The following SLC35E4 variants were observed in gnomAD, a reference collection of about 807,000 sequenced individuals.
SLC35E4 encodes the protein solute carrier family 35, member E4.
In SLC35E4, 15 loss-of-function variants were observed where a neutral mutation model predicts 19.3. The ratio of observed to expected loss-of-function variants is 0.78; its 90% CI spans 0.52 to 1.20. The LOEUF is 1.20. Among genes scored for constraint, SLC35E4 ranks in the 50% most tolerant of loss-of-function variants. The probability of loss-of-function intolerance (pLI) is 0.00; values close to 1 mark genes in which losing one functional copy is unlikely to be tolerated. For missense variants in SLC35E4, 406 were observed against 472.3 expected (o/e 0.86, Z 1.30); for synonymous variants, 219 against 219.9 (o/e 1.00, Z 0.04).
intron 1 of SLC35E4, among the ~76,000 whole-genome samples, chr22:30,645,362 A>G (rs1190460052): frequency 6.6e-6 from 1 of 152,140 alleles, no homozygotes; most frequent in Non-Finnish European, 1.5e-5. Flanking sequence ...TGGGAGGCCG[A>G]GGTGGGAGGA....
chr22:30,657,843 G>T (rs1281912859), intron 2 of SLC35E4, among the ~76,000 whole-genome samples: 1 of 151,242 alleles, frequency 6.6e-6, no homozygotes, highest in Non-Finnish European at 1.5e-5. Context: ...GGCGGAGCTT[G>T]CAGTGAGCCA....
downstream of SLC35E4, among the ~76,000 whole-genome samples, chr22:30,651,172 G>A (rs189708691): frequency 1.3e-5 from 2 of 151,500 alleles, no homozygotes; most frequent in East Asian, 2.0e-4. Flanking sequence ...GGAGGACCAC[G>A]AGAGGTTTTG....
At chr22:30,645,818 G>A (rs1057092814) in intron 1 of SLC35E4, among the ~76,000 whole-genome samples, 5 of 119,388 alleles carry the variant, frequency 4.2e-5, no homozygotes, top group East Asian at 2.4e-4. Context: ...GTACCTGACC[G>A]ATTTTTTTTT....
chr22:30,656,112 T>C (rs2088333957), intron 2 of SLC35E4, among the ~76,000 whole-genome samples: 1 of 151,926 alleles, frequency 6.6e-6, no homozygotes. Flanking sequence ...TAGCTGGGAC[T>C]ACAGGTGTGC....
At chr22:30,644,693 C>T (rs1333559821) in intron 1 of SLC35E4, among the ~76,000 whole-genome samples, 4 of 152,036 alleles carry the variant, frequency 2.6e-5, no homozygotes, top group Non-Finnish European at 5.9e-5. Flanking sequence ...TGACATCGTA[C>T]CACTACACTC....
downstream of SLC35E4, chr22:30,663,997 C>T: frequency 6.2e-7 from 1 of 1,612,166 alleles, no homozygotes; most frequent in Non-Finnish European, 8.5e-7. Context: ...CACGAGGGTG[C>T]TGTCATCAAG....
chr22:30,663,094 A>G (rs2088522711), exon 3 of SLC35E4: 1 of 228,332 alleles, frequency 4.4e-6, no homozygotes, highest in African/African-American at 2.3e-5. Flanking sequence ...TAGCAGATTC[A>G]TTCCTGGGTC....
At chr22:30,643,275 C>T (rs994453297) in intron 1 of SLC35E4, among the ~76,000 whole-genome samples, 13 of 152,216 alleles carry the variant, frequency 8.5e-5, no homozygotes, top group Non-Finnish European at 1.9e-4. Flanking sequence ...TCTGAGCTCT[C>T]AGGCTGATGG....
At chr22:30,663,337 T>G, downstream of SLC35E4, 1 of 1,246,874 alleles carries the variant, frequency 8.0e-7, no homozygotes. Context: ...ATCTGTTTTT[T>G]TCTGTATCAA....
downstream of SLC35E4, among the ~76,000 whole-genome samples, chr22:30,651,421 ATATATATTTTTTTTTTT>A (rs1308138425): frequency 9.1e-3 from 480 of 52,862 alleles, 3 homozygotes; most frequent in Non-Finnish European, 0.013. Context: ...ATATATATAT[ATATATATTTTTTTTTTT>A]TTTTTTTTTT....
At position 30,637,086 on chromosome 22, in the gene SLC35E4, C is replaced by G; in HGVS notation, c.619+17C>G. ...TTCAGCAAAGTAAGTGCCTGGGTGG[C>G]CAATTGAGAAGGTGGGGGTCCGGGT... On this transcript the variant is annotated intron_variant, in intron 1 of 1. Coordinates refer to ENST00000343605, the MANE Select transcript of SLC35E4 (RefSeq NM_001001479.4). 6.5e-7 allele frequency: 1 copy of G among 1,544,430 alleles called. No homozygotes were observed. The highest frequency in any genetic ancestry group is 8.8e-7 in the Non-Finnish European group (1 of 1,141,434).
chr22:30,666,394 G>A (rs2088664886), downstream of SLC35E4, among the ~76,000 whole-genome samples: 1 of 152,086 alleles, frequency 6.6e-6, no homozygotes, highest in Non-Finnish European at 1.5e-5. Flanking sequence ...GCCGAGGCGG[G>A]CAGATCACCT....
At chr22:30,645,466 A>C (rs1256729439) in intron 1 of SLC35E4, among the ~76,000 whole-genome samples, 2 of 152,040 alleles carry the variant, frequency 1.3e-5, no homozygotes, top group African/African-American at 4.8e-5. Context: ...GTGGTGGCGC[A>C]TGCCTGTGAT....
intron 2 of SLC35E4, chr22:30,661,387 C>A (rs896721040): frequency 6.6e-6 from 1 of 151,676 alleles, no homozygotes; most frequent in Non-Finnish European, 1.5e-5. Context: ...AAATATTAAC[C>A]TGAAAATAAT....
downstream of SLC35E4, chr22:30,663,579 C>T (rs1251831323): frequency 3.7e-6 from 6 of 1,614,198 alleles, no homozygotes; most frequent in African/African-American, 1.3e-5. Flanking sequence ...GCTGTTGGGT[C>T]GGATGATGGG....
intron 1 of SLC35E4, among the ~76,000 whole-genome samples, chr22:30,640,240 G>A (rs1239179070): frequency 6.6e-6 from 1 of 151,848 alleles, no homozygotes; most frequent in African/African-American, 2.4e-5. Context: ...GCGTGGTGGC[G>A]CCTGCCTGTA....
downstream of SLC35E4, among the ~76,000 whole-genome samples, chr22:30,666,356 T>G (rs1249198964): frequency 1.3e-5 from 2 of 152,084 alleles, no homozygotes; most frequent in Non-Finnish European, 2.9e-5. Flanking sequence ...CACGGTGGCT[T>G]AAGCCTATAA....
downstream of SLC35E4, among the ~76,000 whole-genome samples, chr22:30,650,470 T>C (rs889124083): frequency 3.9e-5 from 6 of 152,152 alleles, no homozygotes; most frequent in Non-Finnish European, 5.9e-5. Flanking sequence ...CACTCCAGCT[T>C]GTGTGACAGA....
chr22:30,647,141 T>A lies in SLC35E4; in HGVS notation c.*110T>A. 7.6e-7 allele frequency: 1 copy of A among 1,308,192 alleles called. No homozygotes were observed. Among genetic ancestry groups the A allele is most frequent in the Non-Finnish European group, 1.0e-6 (1 of 979,512 alleles). 81.0% of individuals were successfully genotyped at this position (1,308,192 alleles called of 1,614,324 possible). A position where few individuals can be genotyped will look rare whatever the true frequency, so the allele number is the denominator to read the frequency against. The stretch of plus-strand genomic sequence containing the variant: ...GGCTGGGCATGGTGGCTCACGCCTA[T>A]AATCCCAGCACTTCCAGAGTCCGAG... On this transcript the variant is annotated 3_prime_UTR_variant, in exon 2 of 2. Coordinates refer to ENST00000343605, the MANE Select transcript of SLC35E4 (RefSeq NM_001001479.4).
Sources: gnomAD v4.1 joint callset for allele counts (sites outside exome capture counted in the v4.1 genomes callset) on GRCh38, gnomAD v4.1.1 for gene constraint, MANE v1.5 for transcripts, NCBI Gene and HGNC (gene_info 2026-07-23, HGNC 2026-07-21) for gene names.